NSF: variants seen among roughly 807,000 people sequenced by gnomAD.
NSF encodes N-ethylmaleimide sensitive factor, vesicle fusing ATPase.
NSF carries 14 observed loss-of-function variants against 50.3 expected under a neutral mutation model. That is an observed-to-expected ratio of 0.28 (90% confidence interval 0.18 to 0.44). The LOEUF is 0.44. Ranked by LOEUF, NSF falls within the 20% of genes least tolerant of loss-of-function variation. NSF has a pLI of 1.00. For synonymous variants in NSF, 109 were observed against 175.7 expected, an observed-to-expected ratio of 0.62 and a Z score of 3.00; for missense variants, 218 against 504.3, an observed-to-expected ratio of 0.43 and a Z score of 5.44.
At chr17:46,728,448 A>G (rs2058913493) in intron 16 of NSF, among the ~76,000 whole-genome samples, 1 of 152,082 alleles carries the variant, frequency 6.6e-6, no homozygotes, top group African/African-American at 2.4e-5. Context: ...CAAAGTGAAT[A>G]TTTAGAAGCT....
chr17:46,728,215 A>T (rs1311023395), intron 16 of NSF, among the ~76,000 whole-genome samples: 3 of 152,102 alleles, frequency 2.0e-5, no homozygotes, highest in Non-Finnish European at 4.4e-5. Flanking sequence ...TTAGAAAGTT[A>T]TCTGTTCCTT....
At chr17:46,733,480 G>A (rs2058970316) in intron 17 of NSF, among the ~76,000 whole-genome samples, 1 of 152,178 alleles carries the variant, frequency 6.6e-6, no homozygotes, top group African/African-American at 2.4e-5. Flanking sequence ...TTAATGCTGG[G>A]TTTGACACTT....
chr17:46,737,975 C>T (rs2059027023), intron 17 of NSF, among the ~76,000 whole-genome samples: 1 of 151,250 alleles, frequency 6.6e-6, no homozygotes, highest in Non-Finnish European at 1.5e-5. Context: ...TGCTGTGTTG[C>T]CCAGGGTGGA....
In NSF at chr17:46,609,897, C is replaced by T. The variant is rs546475746; in HGVS notation, c.13-14347C>T. Reference sequence around the variant, plus strand: ...CTGGAATGCAGTGGCGTGATCAGGGCTCCCTGTAGCCTTGACCTCCTGGGC... The same window carrying T: ...CTGGAATGCAGTGGCGTGATCAGGGTTCCCTGTAGCCTTGACCTCCTGGGC... On this transcript the variant is annotated intron_variant, in intron 1 of 20. Transcript: ENST00000398238. Among the ~76,000 whole-genome samples the T allele has an allele frequency of 1.2e-3, 170 of 141,332 alleles. 16 individuals carry two copies. The Middle Eastern group carries it at 0.015, about 13-fold the overall frequency. The allele number at this position is 141,332 out of a possible 152,430, so 92.7% of individuals were successfully genotyped here. A position where few individuals can be genotyped will look rare whatever the true frequency, so the allele number is the denominator to read the frequency against.
intron 17 of NSF, among the ~76,000 whole-genome samples, chr17:46,733,572 A>T (rs953754364): frequency 6.6e-6 from 1 of 152,174 alleles, no homozygotes; most frequent in African/African-American, 2.4e-5. Flanking sequence ...TCCTCAGTTC[A>T]GTGCTTCCCA....
At chr17:46,736,360 T>G (rs1234835813) in intron 17 of NSF, among the ~76,000 whole-genome samples, 1 of 152,174 alleles carries the variant, frequency 6.6e-6, no homozygotes, top group Admixed American at 6.5e-5. Flanking sequence ...CCTTTTCTCC[T>G]AACTCATGGT....
chr17:46,729,899 A>G (rs979753149), intron 17 of NSF, among the ~76,000 whole-genome samples: 35 of 152,280 alleles, frequency 2.3e-4, no homozygotes, highest in Admixed American at 1.6e-3. Flanking sequence ...AACATAACCT[A>G]TAATAGTCTT....
intron 17 of NSF, among the ~76,000 whole-genome samples, chr17:46,730,190 AC>A (rs918016687): frequency 2.0e-5 from 3 of 152,168 alleles, no homozygotes; most frequent in East Asian, 3.8e-4. Context: ...AGAAATAATT[AC>A]CCCCAACATC....
intron 17 of NSF, among the ~76,000 whole-genome samples, chr17:46,741,103 A>T (rs1292524037): frequency 6.6e-6 from 1 of 152,218 alleles, no homozygotes; most frequent in African/African-American, 2.4e-5. Flanking sequence ...AGCAAAGCAT[A>T]GTGAAAATAG....
chr17:46,703,694 A>AC (rs1442855656), intron 12 of NSF, among the ~76,000 whole-genome samples: 4 of 151,366 alleles, frequency 2.6e-5, no homozygotes, highest in African/African-American at 9.7e-5. Flanking sequence ...AAAAAAAAAA[A>AC]AAAAAAAAAA....
intron 19 of NSF, 67 bp downstream of exon 19, chr17:46,751,683 G>A (rs966039413): frequency 1.0e-5 from 9 of 890,320 alleles, no homozygotes; most frequent in Non-Finnish European, 1.5e-5. Flanking sequence ...AGAGGGTTCA[G>A]TATTTCCTTT....
At chr17:46,753,782 A>C (rs1165797730) in intron 19 of NSF, among the ~76,000 whole-genome samples, 1 of 152,196 alleles carries the variant, frequency 6.6e-6, no homozygotes, top group African/African-American at 2.4e-5. Context: ...GACATTTCAT[A>C]GGCCTCTGAG....
At chr17:46,697,215 CTT>C (rs56144516) in intron 12 of NSF, among the ~76,000 whole-genome samples, 12 of 122,022 alleles carry the variant, frequency 9.8e-5, no homozygotes, top group East Asian at 6.9e-4. Context: ...AATTATTTTT[CTT>C]TTTTTTTTTT....
At chr17:46,745,042 CTT>C (rs371006496) in intron 17 of NSF, among the ~76,000 whole-genome samples, 5 of 150,310 alleles carry the variant, frequency 3.3e-5, no homozygotes, top group African/African-American at 7.3e-5. Flanking sequence ...TCACTCTGTG[CTT>C]TTTTTTTTGC....
chr17:46,609,957 G>A (rs1444780887), intron 1 of NSF, among the ~76,000 whole-genome samples: 1 of 143,716 alleles, frequency 7.0e-6, no homozygotes, highest in Non-Finnish European at 1.6e-5. Context: ...GAATAACGGG[G>A]ATTACTGATT....
intron 9 of NSF, among the ~76,000 whole-genome samples, chr17:46,690,593 CAG>C (rs1270837572): frequency 1.3e-5 from 1 of 77,990 alleles, no homozygotes; most frequent in Non-Finnish European, 2.5e-5. Flanking sequence ...GCCTGGGCAA[CAG>C]AGTGAGACTC....
chr17:46,708,432 G>T (rs997513175), intron 13 of NSF, among the ~76,000 whole-genome samples: 1 of 149,978 alleles, frequency 6.7e-6, no homozygotes, highest in Non-Finnish European at 1.5e-5. Flanking sequence ...TTGTATTTTC[G>T]TAATGATTAG....
At chr17:46,599,880 A>T (rs2057900857) in intron 1 of NSF, among the ~76,000 whole-genome samples, 1 of 106,844 alleles carries the variant, frequency 9.4e-6, no homozygotes. Context: ...AAATAATAAT[A>T]ATAAATAAAA....
intron 17 of NSF, among the ~76,000 whole-genome samples, chr17:46,740,982 C>G (rs749769342): frequency 1.3e-5 from 2 of 152,166 alleles, no homozygotes; most frequent in Non-Finnish European, 2.9e-5. Context: ...GGTAATAAAT[C>G]TCCCTAACTC....
Sources: allele counts gnomAD v4.1 joint callset (sites outside exome capture counted in the v4.1 genomes callset), GRCh38; gene constraint gnomAD v4.1.1; transcripts MANE v1.5; gene names NCBI Gene and HGNC (gene_info 2026-07-23, HGNC 2026-07-21).